ZFYVE16: variants seen among roughly 807,000 people sequenced by gnomAD.
The protein encoded by ZFYVE16 is zinc finger FYVE-type containing 16.
A neutral mutation model predicts 138.1 loss-of-function variants in ZFYVE16; 89 were observed. The ratio of observed to expected loss-of-function variants is 0.64; its 90% CI spans 0.54 to 0.77. The LOEUF (loss-of-function observed/expected upper bound fraction) is 0.77. Ranked by LOEUF, ZFYVE16 falls within the 30% of genes least tolerant of loss-of-function variation. ZFYVE16 has a pLI of 0.00. For synonymous variants in ZFYVE16, 596 were observed against 618.3 expected (o/e 0.96, Z 0.53); for missense variants, 1,793 against 1,786.7 (o/e 1.00, Z -0.06).
rs1464599979 is a variant in ZFYVE16, at chr5:80,481,462, T to TC, written c.*4087dup. Among the ~76,000 whole-genome samples the TC allele has an allele frequency of 2.0e-5, 3 of 152,064 alleles. No individual in the cohort carries two copies. Among genetic ancestry groups the TC allele is most frequent in the Non-Finnish European group, 4.4e-5 (3 of 68,004 alleles). ...CACTGAATTACAGTGTAGGCCACTG[T>TC]CCAAGTTTCAGATTGGCCACTAGAT... On this transcript the variant is annotated 3_prime_UTR_variant, in exon 19 of 19. Coordinates refer to ENST00000505560, the MANE Select transcript of ZFYVE16 (RefSeq NM_001284236.3).
In ZFYVE16 at chr5:80,474,850, T is replaced by A; in HGVS notation, c.4461+20T>A. 1 of 1,580,432 alleles carries A rather than the reference T, an allele frequency of 6.3e-7. No individual in the cohort carries two copies. The highest frequency in any genetic ancestry group is 8.6e-7 in the Non-Finnish European group (1 of 1,163,730). On this transcript the variant is annotated intron_variant, in intron 18 of 18. Transcript: ENST00000505560. The stretch of plus-strand genomic sequence containing the variant: ...GATATGGTGAGGCATGTTTTTGTGA[T>A]GTATTTTTGAAATGAATGTATTGCA...
chr5:80,474,005 C>T (rs1754647773), intron 17 of ZFYVE16, 146 bp downstream of exon 17: 1 of 585,496 alleles, frequency 1.7e-6, no homozygotes, highest in Non-Finnish European at 2.9e-6. Flanking sequence ...ATTTCCACCC[C>T]AGAATTTTAT....
At position 80,438,913 on chromosome 5, in the gene ZFYVE16, C is replaced by T; in HGVS notation, c.2228C>T (p.Thr743Ile). The change falls in exon 4 of 19, where the codon ACT becomes ATT. Residue 743 changes from threonine (T) to isoleucine (I), a missense_variant. Transcript: ENST00000505560. ...TTGGTTTTGGGCCAGAAACAGCCTA[C>T]TTGGGTTCCTGATTCAGAAGCTCCA... is the stretch of plus-strand genomic sequence containing the variant. ...EGLVLGQKQPTWVPDSEAPNC... is the reference protein window; with the variant it reads ...EGLVLGQKQPIWVPDSEAPNC... 2 of 1,614,072 alleles carry T rather than the reference C, an allele frequency of 1.2e-6. No homozygotes were observed. Among genetic ancestry groups the T allele is most frequent in the Non-Finnish European group, 1.7e-6 (2 of 1,179,950 alleles).
rs552603585 is a variant in ZFYVE16 at position 80,460,782 on chromosome 5, C to T, written c.4024+1288C>T. On this transcript the variant is annotated intron_variant, in intron 15 of 18. Transcript: ENST00000505560. ...TTAGTCAGTTTGCTTAACTCTGTAC[C>T]GATTCCATACTATTTTATTATCATT... Among the ~76,000 whole-genome samples, 11 of 152,158 alleles carry T rather than the reference C, an allele frequency of 7.2e-5. 1 individual carries two copies. The highest frequency in any genetic ancestry group is 6.2e-4 in the South Asian group (3 of 4,824).
At chr5:80,471,476 T>G (rs1754370553) in intron 15 of ZFYVE16, among the ~76,000 whole-genome samples, 1 of 152,224 alleles carries the variant, frequency 6.6e-6, no homozygotes, top group African/African-American at 2.4e-5. Context: ...CATCCCCATG[T>G]GACCATCTCA....
At chr5:80,413,869 A>G (rs1745824677) in intron 1 of ZFYVE16, among the ~76,000 whole-genome samples, 1 of 152,190 alleles carries the variant, frequency 6.6e-6, no homozygotes, top group Non-Finnish European at 1.5e-5. Context: ...GATTTGAAGT[A>G]TAGTTTACTC....
chr5:80,474,432 C>T (rs1008140758), intron 17 of ZFYVE16, among the ~76,000 whole-genome samples: 1 of 152,138 alleles, frequency 6.6e-6, no homozygotes. Flanking sequence ...TAAGCCTTTC[C>T]TTGCTACAAA....
chr5:80,415,870 G>A (rs1746140523), intron 1 of ZFYVE16, among the ~76,000 whole-genome samples: 1 of 151,972 alleles, frequency 6.6e-6, no homozygotes, highest in African/African-American at 2.4e-5. Context: ...GTTTCGCCAT[G>A]TTGATTAGGC....
At chr5:80,413,722 G>C (rs773014498) in intron 1 of ZFYVE16, among the ~76,000 whole-genome samples, 8 of 152,202 alleles carry the variant, frequency 5.3e-5, no homozygotes, top group Non-Finnish European at 1.2e-4. Flanking sequence ...GGGCATTAAA[G>C]ATTAATTCTC....
At chr5:80,416,546 C>T (rs1273203786) in intron 1 of ZFYVE16, among the ~76,000 whole-genome samples, 1 of 119,890 alleles carries the variant, frequency 8.3e-6, no homozygotes, top group Non-Finnish European at 1.8e-5. Flanking sequence ...AGAGACACTG[C>T]GCCCAGCCGA....
Position 80,438,318 on chromosome 5 carries a change from A to G in ZFYVE16, c.1633A>G (p.Thr545Ala), listed in dbSNP as rs1750231546. The change falls in exon 4 of 19, where the codon ACT becomes GCT. Residue 545 changes from threonine to alanine, a missense_variant. Transcript: ENST00000505560. ...AFLTEQYLQT[T>A]NIKSFEENVN... is the part of the protein sequence containing the mutation. ...TCTGACAGAACAGTATCTTCAGACC[A>G]CTAACATAAAGTCTTTTGAAGAAAA... The G allele has an allele frequency of 6.2e-7, 1 of 1,613,798 alleles. No individual in the cohort carries two copies. Among genetic ancestry groups the G allele is most frequent in the East Asian group, 2.2e-5 (1 of 44,872 alleles).
Position 80,439,023 on chromosome 5 carries a change from CT to C in ZFYVE16, c.2322+20del. On this transcript the variant is annotated intron_variant, in intron 4 of 18. Coordinates refer to ENST00000505560, the MANE Select transcript of ZFYVE16 (RefSeq NM_001284236.3). ...ATGTGGGAAAGTAAGTTATAAAAAT[CT>C]TTTAAGTCTTTTGTTCTTTTGAGAC... 8.8e-6 allele frequency: 14 copies of C among 1,585,232 alleles called. No individual in the cohort carries two copies. Among genetic ancestry groups the C allele is most frequent in the Non-Finnish European group, 1.2e-5 (14 of 1,167,202 alleles).
In ZFYVE16 at chr5:80,429,853, G is replaced by T. The variant is rs6882442; in HGVS notation, c.-40+2308G>T. On this transcript the variant is annotated intron_variant, in intron 2 of 18. Coordinates refer to ENST00000505560, the MANE Select transcript of ZFYVE16 (RefSeq NM_001284236.3). ...GATCAAAAGAGACAAAGCCATTACAGACTGGTAAAGGGATCAATTCAACAA... is the reference window on the plus strand; with the variant it reads ...GATCAAAAGAGACAAAGCCATTACATACTGGTAAAGGGATCAATTCAACAA... 6.3e-3 allele frequency among the ~76,000 whole-genome samples: 949 copies of T among 150,840 alleles called. 10 individuals are homozygous for T. The highest frequency in any genetic ancestry group is 0.021 in the African/African-American group (877 of 41,230).
chr5:80,431,845 GA>G (rs1749079657), intron 2 of ZFYVE16, among the ~76,000 whole-genome samples: 1 of 152,142 alleles, frequency 6.6e-6, no homozygotes, highest in African/African-American at 2.4e-5. Context: ...TTGCTTCAAA[GA>G]GAATAAAATA....
At chr5:80,444,652 A>G (rs1230276039) in intron 6 of ZFYVE16, among the ~76,000 whole-genome samples, 1 of 152,012 alleles carries the variant, frequency 6.6e-6, no homozygotes, top group Non-Finnish European at 1.5e-5. Context: ...CTTGTTAAAT[A>G]AAAGAAAGAA....
rs1750136839 is a variant in ZFYVE16 at position 80,437,722 on chromosome 5, C to G, written c.1037C>G (p.Ser346Ter). The G allele has an allele frequency of 5.0e-6, 8 of 1,613,954 alleles. No individual in the cohort carries two copies. The highest frequency in any genetic ancestry group is 6.8e-6 in the Non-Finnish European group (8 of 1,179,940). The stretch of plus-strand genomic sequence containing the variant: ...ATAAAACAATCTGCACAAGAAGACT[C>G]AAAAAGTTTAGACCTTAAGGATAAT... Reference protein sequence around the residue: ...TVIKQSAQEDSKSLDLKDNDV... With the variant: ...TVIKQSAQED The change falls in exon 4 of 19, where the codon TCA becomes TGA. Residue 346 changes from serine to a stop codon, truncating the protein, a stop_gained. Coordinates refer to ENST00000505560, the MANE Select transcript of ZFYVE16 (RefSeq NM_001284236.3). LOFTEE classifies it high-confidence loss of function.
intron 17 of ZFYVE16, 136 bp from the exon 18 acceptor site, chr5:80,474,527 C>A: frequency 2.3e-6 from 2 of 874,706 alleles, no homozygotes; most frequent in Non-Finnish European, 3.4e-6. Flanking sequence ...ACAGATCAAG[C>A]TATCGATACA....
At chr5:80,430,281 A>T (rs1307759349) in intron 2 of ZFYVE16, among the ~76,000 whole-genome samples, 2 of 152,066 alleles carry the variant, frequency 1.3e-5, no homozygotes, top group Non-Finnish European at 2.9e-5. Context: ...CAGGATTCAG[A>T]AACTCACTCA....
chr5:80,480,757 C>G lies in ZFYVE16; in HGVS notation c.*3380C>G, dbSNP rs1378067735. Among the ~76,000 whole-genome samples the G allele has an allele frequency of 6.6e-6, 1 of 151,934 alleles. No homozygotes were observed. Among genetic ancestry groups the G allele is most frequent in the Non-Finnish European group, 1.5e-5 (1 of 67,996 alleles). ...GCAACACAGGGAGACACTGTCTCTGCAAAATTAAAAAAATTTTGCCAGGTG... is the reference window on the plus strand; with the variant it reads ...GCAACACAGGGAGACACTGTCTCTGGAAAATTAAAAAAATTTTGCCAGGTG... On this transcript the variant is annotated 3_prime_UTR_variant, in exon 19 of 19. Transcript: ENST00000505560.
Sources: gnomAD v4.1 joint callset for allele counts (sites outside exome capture counted in the v4.1 genomes callset) on GRCh38, gnomAD v4.1.1 for gene constraint, MANE v1.5 for transcripts, NCBI Gene and HGNC (gene_info 2026-07-23, HGNC 2026-07-21) for gene names.